The following NAALADL2 variants were observed in gnomAD, a reference collection of about 807,000 sequenced individuals.
NAALADL2 encodes inactive N-acetylated-alpha-linked acidic dipeptidase-like protein 2.
In NAALADL2, 76 loss-of-function variants were observed where a neutral mutation model predicts 87.2. That is an observed-to-expected ratio of 0.87 (90% confidence interval 0.72 to 1.05). The LOEUF (loss-of-function observed/expected upper bound fraction) is 1.05, where lower values mean the gene tolerates loss of function less well. Among genes scored for constraint, NAALADL2 ranks in the 50% least tolerant of loss-of-function variants. NAALADL2 has a pLI of 0.00. For missense variants in NAALADL2, 1,089 were observed against 945.8 expected (o/e 1.15, Z -1.99); for synonymous variants, 354 against 331.0 (o/e 1.07, Z -0.75).
chr3:174,461,332 T>G (rs943158311), intron 1 of NAALADL2, among the ~76,000 whole-genome samples: 1 of 152,124 alleles, frequency 6.6e-6, no homozygotes, highest in African/African-American at 2.4e-5. Context: ...CAGTTTTTCA[T>G]AAACATTCTA....
At chr3:174,990,305 T>A (rs979117053) in intron 1 of NAALADL2, among the ~76,000 whole-genome samples, 5 of 152,190 alleles carry the variant, frequency 3.3e-5, no homozygotes, top group African/African-American at 4.8e-5. Context: ...TAGTCTGCTG[T>A]CACATCATCA....
chr3:175,419,688 C>G (rs539782508), intron 5 of NAALADL2, among the ~76,000 whole-genome samples: 9 of 151,940 alleles, frequency 5.9e-5, no homozygotes, highest in Non-Finnish European at 1.0e-4. Flanking sequence ...TTTATTACTG[C>G]CCATTTTCCC....
At chr3:175,593,707 G>A (rs2149612448) in intron 10 of NAALADL2, among the ~76,000 whole-genome samples, 1 of 152,006 alleles carries the variant, frequency 6.6e-6, no homozygotes, top group South Asian at 2.1e-4. Flanking sequence ...TGACATGATG[G>A]TTCCCCTTGT....
chr3:174,442,923 C>T (rs1365810300), intron 1 of NAALADL2, among the ~76,000 whole-genome samples: 1 of 152,058 alleles, frequency 6.6e-6, no homozygotes, highest in Non-Finnish European at 1.5e-5. Context: ...TTTCCGGGCG[C>T]AGAGAAATAG....
intron 3 of NAALADL2, among the ~76,000 whole-genome samples, chr3:174,795,596 T>C (rs1020669471): frequency 1.3e-5 from 2 of 152,176 alleles, no homozygotes; most frequent in Admixed American, 1.3e-4. Context: ...CTATGTTTAA[T>C]ATTTAAGAAG....
chr3:175,303,674 C>G (rs1434899801), intron 4 of NAALADL2, among the ~76,000 whole-genome samples: 31 of 152,174 alleles, frequency 2.0e-4, no homozygotes. Flanking sequence ...GTTTGGCCTG[C>G]ATTCCCATTT....
chr3:175,794,701 T>C (rs1753237022), intron 13 of NAALADL2, among the ~76,000 whole-genome samples: 1 of 152,250 alleles, frequency 6.6e-6, no homozygotes, highest in African/African-American at 2.4e-5. Flanking sequence ...TACAGTCCTC[T>C]GCTCTATTTT....
At chr3:175,393,071 G>A (rs1381704764) in intron 5 of NAALADL2, among the ~76,000 whole-genome samples, 1 of 151,696 alleles carries the variant, frequency 6.6e-6, no homozygotes, top group Admixed American at 6.6e-5. Flanking sequence ...TCAGGAGATC[G>A]AGACCATCCT....
chr3:175,100,838 CAAAAAAAA>C (rs562200946), intron 2 of NAALADL2, among the ~76,000 whole-genome samples: 5 of 69,302 alleles, frequency 7.2e-5, no homozygotes, highest in Non-Finnish European at 1.6e-4. Context: ...GACTCTGTCT[CAAAAAAAA>C]AAAAAAAAAA....
At chr3:175,317,572 C>G (rs575638633) in intron 4 of NAALADL2, among the ~76,000 whole-genome samples, 1 of 152,108 alleles carries the variant, frequency 6.6e-6, no homozygotes, top group African/African-American at 2.4e-5. Context: ...CTACTTCTCT[C>G]CATATCCCAA....
At chr3:175,339,133 T>C (rs565794710) in intron 5 of NAALADL2, among the ~76,000 whole-genome samples, 7 of 152,072 alleles carry the variant, frequency 4.6e-5, no homozygotes, top group African/African-American at 7.2e-5. Flanking sequence ...TCAGCAGACT[T>C]GAGGAGGATA....
chr3:175,066,358 C>G (rs540647463), intron 1 of NAALADL2, among the ~76,000 whole-genome samples: 1 of 152,250 alleles, frequency 6.6e-6, no homozygotes, highest in East Asian at 1.9e-4. Flanking sequence ...CTCCATATCA[C>G]TATCATGTAG....
intron 2 of NAALADL2, among the ~76,000 whole-genome samples, chr3:174,586,361 G>A (rs1161141141): frequency 6.6e-6 from 1 of 152,112 alleles, no homozygotes; most frequent in South Asian, 2.1e-4. Context: ...GTAATTATGT[G>A]TGCACATTCA....
intron 2 of NAALADL2, among the ~76,000 whole-genome samples, chr3:174,677,304 G>GT (rs777499643): frequency 4.0e-5 from 6 of 151,608 alleles, no homozygotes; most frequent in East Asian, 1.9e-4. Flanking sequence ...CCTGGGACTT[G>GT]TTTTTTTCAC....
At chr3:174,987,098 A>G (rs1745978838) in intron 1 of NAALADL2, among the ~76,000 whole-genome samples, 1 of 152,192 alleles carries the variant, frequency 6.6e-6, no homozygotes, top group Non-Finnish European at 1.5e-5. Flanking sequence ...TTTGATCAAT[A>G]TAAATCCATT....
intron 3 of NAALADL2, among the ~76,000 whole-genome samples, chr3:174,789,151 A>G (rs1346251187): frequency 1.3e-5 from 2 of 152,200 alleles, no homozygotes; most frequent in Admixed American, 6.5e-5. Context: ...CTTCATTTGT[A>G]ACTGTCTTCT....
intron 13 of NAALADL2, among the ~76,000 whole-genome samples, chr3:175,760,728 AGAG>A (rs1376353885): frequency 6.6e-6 from 1 of 152,072 alleles, no homozygotes; most frequent in Non-Finnish European, 1.5e-5. Context: ...GTGTGTCTGG[AGAG>A]GAGATCTCTG....
chr3:175,780,050 C>T (rs534596221), intron 13 of NAALADL2, among the ~76,000 whole-genome samples: 3 of 151,586 alleles, frequency 2.0e-5, no homozygotes, highest in Non-Finnish European at 2.9e-5. Context: ...GGGCAGATCA[C>T]GAGGTCAGTA....
At chr3:174,705,782 C>CAA (rs368457644) in intron 2 of NAALADL2, among the ~76,000 whole-genome samples, 6,201 of 114,146 alleles carry the variant, frequency 0.054, 254 homozygotes, top group African/African-American at 0.088. Context: ...GACTCCGTCT[C>CAA]AAAAAAAAAA....
Sources: gnomAD v4.1 joint callset for allele counts (sites outside exome capture counted in the v4.1 genomes callset) on GRCh38, gnomAD v4.1.1 for gene constraint, MANE v1.5 for transcripts, NCBI Gene and HGNC (gene_info 2026-07-23, HGNC 2026-07-21) for gene names.